Variants in EXOSC2 observed in about 807,000 individuals in gnomAD.
EXOSC2 encodes exosome component 2, also known as exosome complex component RRP4.
EXOSC2 carries 29 observed loss-of-function variants against 37.6 expected under a neutral mutation model. The ratio of observed to expected loss-of-function variants is 0.77; its 90% confidence interval spans 0.57 to 1.05. The LOEUF is 1.05. Among genes scored for constraint, EXOSC2 ranks in the 50% least tolerant of loss-of-function variants. The pLI is 0.00. For missense variants in EXOSC2, 346 were observed against 365.6 expected, an observed-to-expected ratio of 0.95 and a Z score of 0.44; for synonymous variants, 119 against 131.1, an observed-to-expected ratio of 0.91 and a Z score of 0.63.
At chr9:130,697,702 C>A in intron 3 of EXOSC2, 75 bp downstream of exon 3, 1 of 1,373,874 alleles carries the variant, frequency 7.3e-7, no homozygotes, top group Non-Finnish European at 1.0e-6. Context: ...AGTCATTCCA[C>A]TTGTAGTTAC....
chr9:130,701,028 C>A (rs532043052), intron 6 of EXOSC2, 93 bp downstream of exon 6: 1 of 1,194,904 alleles, frequency 8.4e-7, no homozygotes, highest in East Asian at 2.4e-5. Flanking sequence ...GCCTAAAGAA[C>A]CCCAGTAGCT....
rs1265157507 is a variant in EXOSC2, at chr9:130,703,137, G to A, written c.757G>A (p.Asp253Asn). The A allele has an allele frequency of 6.2e-7, 1 of 1,613,872 alleles. No individual in the cohort carries two copies. Among genetic ancestry groups the A allele is most frequent in the East Asian group, 2.2e-5 (1 of 44,882 alleles). Residue 253 changes from aspartate to asparagine, a missense_variant, in exon 8 of 9, where the codon GAT (aspartate) becomes AAT (asparagine). Physicochemically the swap from Asp to Asn is conservative, Grantham distance 23. Transcript: ENST00000372358. ...SLVTQRMMLY[D>N]TSILYCYEAS... The stretch of plus-strand genomic sequence containing the variant: ...GGTAACTCAGAGGATGATGCTGTAT[G>A]ATACCAGCATCCTGTACTGCTATGA...
Position 130,703,790 on chromosome 9 carries a change from G to A in EXOSC2, c.*16G>A. The stretch of plus-strand genomic sequence containing the variant: ...GGAGGGATAAGGAGGTGCTCCAGAA[G>A]CACGGGACTGTGGACCTTGCAGGAG... On this transcript the variant is annotated 3_prime_UTR_variant, in exon 9 of 9. Coordinates refer to ENST00000372358, the MANE Select transcript of EXOSC2 (RefSeq NM_014285.7). 4.4e-6 allele frequency: 7 copies of A among 1,607,488 alleles called. No homozygotes were observed. Among genetic ancestry groups the A allele is most frequent in the South Asian group, 1.1e-5 (1 of 90,574 alleles).
chr9:130,703,048 T>G lies in EXOSC2; in HGVS notation c.673-5T>G, dbSNP rs767300345. 42 of 1,612,658 alleles carry G rather than the reference T, an allele frequency of 2.6e-5. No individual in the cohort carries two copies. The highest frequency in any genetic ancestry group is 3.6e-5 in the Non-Finnish European group (42 of 1,179,172). On this transcript the variant is annotated splice_polypyrimidine_tract_variant and splice_region_variant and intron_variant, in intron 7 of 8. Coordinates refer to ENST00000372358, the MANE Select transcript of EXOSC2 (RefSeq NM_014285.7). The stretch of plus-strand genomic sequence containing the variant: ...TTCCCTTCCCCTCTCTGTGTCTCCT[T>G]ATAGCCTGTCTCTCTTGCTGATCGA...
chr9:130,703,855 A>G lies in EXOSC2; in HGVS notation c.*81A>G. The G allele has an allele frequency of 4.4e-6, 5 of 1,148,986 alleles. No homozygotes were observed. In the South Asian group the frequency reaches 5.8e-5, roughly 13 times the overall value. The allele number at this position is 1,148,986 out of a possible 1,614,324, so 71.2% of individuals were successfully genotyped here. ...TGTGGTCCCCATATGTGGCTCAGCA[A>G]AGACTCGAGAGATCATCCCTTTGTC... On this transcript the variant is annotated 3_prime_UTR_variant, in exon 9 of 9. Coordinates refer to ENST00000372358, the MANE Select transcript of EXOSC2 (RefSeq NM_014285.7).
At chr9:130,701,057 G>C in intron 6 of EXOSC2, 122 bp downstream of exon 6, 1 of 864,230 alleles carries the variant, frequency 1.2e-6, no homozygotes, top group Non-Finnish European at 1.9e-6. Flanking sequence ...ATAGAGGCTG[G>C]CATCCCACAA....
In EXOSC2 at chr9:130,703,153, A is replaced by C; in HGVS notation, c.773A>C (p.Tyr258Ser). 10 of 1,613,582 alleles carry C rather than the reference A, an allele frequency of 6.2e-6. No homozygotes were observed. Among genetic ancestry groups the C allele is most frequent in the Non-Finnish European group, 8.5e-6 (10 of 1,179,692 alleles). ...RMMLYDTSILYCYEASLPHQI... is the reference protein window; with the variant it reads ...RMMLYDTSILSCYEASLPHQI... ...ATGCTGTATGATACCAGCATCCTGT[A>C]CTGCTATGAAGCATCCCTTCCACAT... Residue 258 changes from tyrosine (Y) to serine (S), a missense_variant, in exon 8 of 9, where the codon TAC (tyrosine) becomes TCC (serine). Transcript: ENST00000372358.
In EXOSC2 at chr9:130,702,275, G is replaced by C. The variant is rs759215448; in HGVS notation, c.637G>C (p.Glu213Gln). The C allele has an allele frequency of 7.4e-6, 12 of 1,614,014 alleles. No homozygotes were observed. In the South Asian group the frequency reaches 1.3e-4, roughly 18 times the overall value. ...IWIYPTPEHK[E>Q]EEAGGFIANL... ...GATTTACCCAACACCTGAGCACAAA[G>C]AAGAGGAAGCAGGGGGCTTCATTGC... The change falls in exon 7 of 9, where the codon GAA becomes CAA. Residue 213 changes from glutamate (E) to glutamine (Q), a missense_variant. Transcript: ENST00000372358.
rs757712197 is a variant in EXOSC2, at chr9:130,703,731, T to C, written c.839T>C (p.Ile280Thr). 3.1e-6 allele frequency: 5 copies of C among 1,613,810 alleles called. No individual in the cohort carries two copies. The highest frequency in any genetic ancestry group is 1.1e-5 in the South Asian group (1 of 91,014). Residue 280 changes from isoleucine (I) to threonine (T), a missense_variant, in exon 9 of 9, where the codon ATT (isoleucine) becomes ACT (threonine). Physicochemically the swap from Ile to Thr is moderately conservative, Grantham distance 89 (BLOSUM62 -1). Coordinates refer to ENST00000372358, the MANE Select transcript of EXOSC2 (RefSeq NM_014285.7). The stretch of plus-strand genomic sequence containing the variant: ...TTAAAGCCAGAAATAATGGAGGAGA[T>C]TGTGATGGAAACACGCCAGAGGCTT... ...DILKPEIMEE[I>T]VMETRQRLLE...
chr9:130,697,970 T>G, intron 3 of EXOSC2, 192 bp from the exon 4 acceptor site: 1 of 569,458 alleles, frequency 1.8e-6, no homozygotes, highest in Non-Finnish European at 3.1e-6. Context: ...ATTTTTGTAT[T>G]TTTAGTAGAG....
chr9:130,695,554 G>C lies in EXOSC2; in HGVS notation c.185G>C (p.Arg62Thr), dbSNP rs748977410. Residue 62 changes from arginine to threonine, a missense_variant, in exon 2 of 9, where the codon AGA becomes ACA. By Grantham distance (71) the Arg-to-Thr change is moderately conservative. Coordinates refer to ENST00000372358, the MANE Select transcript of EXOSC2 (RefSeq NM_014285.7). ...LIASVAGSVE[R>T]VNKLICVKAL... ...GCATCTGTTGCTGGCTCTGTGGAGA[G>C]AGTAAACAAGTTGATCTGTGTGAAA... 1.9e-5 allele frequency: 30 copies of C among 1,614,088 alleles called. No homozygotes were observed. In the Admixed American group the frequency reaches 3.3e-4, roughly 18 times the overall value.
In EXOSC2 at chr9:130,694,631, TA is replaced by T. The variant is rs762247464; in HGVS notation, c.122+719del. ...CTAGTGTTTCAACCTTTATTATTAT[TA>T]TTTTTTTACTTGTATATGTACAAGG... is the stretch of plus-strand genomic sequence containing the variant. On this transcript the variant is annotated intron_variant, in intron 1 of 8. Transcript: ENST00000372358. The surrounding 1 kb of genome is among the most constrained non-coding windows in gnomAD (Gnocchi z 4.0). Among the ~76,000 whole-genome samples, 3 of 152,204 alleles carry T rather than the reference TA, an allele frequency of 2.0e-5. No homozygotes were observed. Among genetic ancestry groups the T allele is most frequent in the Non-Finnish European group, 4.4e-5 (3 of 68,038 alleles).
intron 2 of EXOSC2, among the ~76,000 whole-genome samples, chr9:130,696,334 C>T (rs190843275): frequency 3.3e-5 from 5 of 152,256 alleles, no homozygotes; most frequent in East Asian, 3.9e-4. Context: ...CTGAGGTGGG[C>T]GGGCGTGGGC....
chr9:130,700,328 AT>A (rs1309301995), intron 5 of EXOSC2, among the ~76,000 whole-genome samples: 2 of 132,890 alleles, frequency 1.5e-5, no homozygotes, highest in African/African-American at 3.0e-5. Flanking sequence ...CTCTGTCTTT[AT>A]TTTATTTATT....
intron 3 of EXOSC2, chr9:130,697,919 A>G (rs1208005040): frequency 5.2e-5 from 28 of 539,310 alleles, no homozygotes; most frequent in African/African-American, 4.4e-4. Context: ...TCAGCCTCCC[A>G]AGTAGCTGGG....
rs1588202313 is a variant in EXOSC2, at chr9:130,703,640, T to G, written c.802-54T>G. ...TTGATTTATGTTTGGATTGGCTTGG[T>G]GGTCTGTTTATGGTTGGTTTCTTTT... On this transcript the variant is annotated intron_variant, in intron 8 of 8. Transcript: ENST00000372358. 4.6e-5 allele frequency: 63 copies of G among 1,369,984 alleles called. No individual in the cohort carries two copies. In the East Asian group the frequency reaches 6.0e-4, roughly 13 times the overall value. The allele number at this position is 1,369,984 out of a possible 1,614,324, so 84.9% of individuals were successfully genotyped here. A position where few individuals can be genotyped will look rare whatever the true frequency, so the allele number is the denominator to read the frequency against.
In EXOSC2 at chr9:130,694,875, G is replaced by GT. The variant is rs745609872; in HGVS notation, c.123-617_123-616insT. 0.014 allele frequency among the ~76,000 whole-genome samples: 2,067 copies of GT among 145,318 alleles called. 120 individuals carry two copies. In the East Asian group the frequency reaches 0.19, roughly 13 times the overall value. ...ACGCCACCATGCCTAGCTAATTTTT[G>GT]GTTTTTTTTTTTTTTAGTAGAGACA... On this transcript the variant is annotated intron_variant, in intron 1 of 8. Transcript: ENST00000372358. The surrounding 1 kb of genome is among the most constrained non-coding windows in gnomAD (Gnocchi z 4.0).
At position 130,698,432 on chromosome 9, in the gene EXOSC2, G is replaced by A. The variant is rs184409587; in HGVS notation, c.360+181G>A. ...ACTTTTCACCCTGTCCAGGTCTCCC[G>A]AAAGAGGGAGCAGTTGGCATATGGT... On this transcript the variant is annotated intron_variant, in intron 4 of 8. Coordinates refer to ENST00000372358, the MANE Select transcript of EXOSC2 (RefSeq NM_014285.7). This position sits in a 1 kb window ranked among gnomAD's most constrained non-coding sequence, Gnocchi z 4.1. Among the ~76,000 whole-genome samples, 178 of 152,308 alleles carry A rather than the reference G, an allele frequency of 1.2e-3. 1 individual carries two copies. The highest frequency in any genetic ancestry group is 3.9e-4 in the East Asian group (2 of 5,186).
rs1405646585 is a variant in EXOSC2 at position 130,693,810 on chromosome 9, C to A, written c.19C>A (p.Leu7Ile). 3 of 1,608,990 alleles carry A rather than the reference C, an allele frequency of 1.9e-6. No homozygotes were observed. The highest frequency in any genetic ancestry group is 2.5e-6 in the Non-Finnish European group (3 of 1,176,668). Reference sequence around the variant, plus strand: ...CGCCAAGATGGCGATGGAGATGAGGCTTCCAGTGGCTCGCAAGCCTCTTAG... The same window carrying A: ...CGCCAAGATGGCGATGGAGATGAGGATTCCAGTGGCTCGCAAGCCTCTTAG... Reference protein sequence around the residue: MAMEMRLPVARKPLSER... With the variant: MAMEMRIPVARKPLSER... The change falls in exon 1 of 9, where the codon CTT becomes ATT. Residue 7 changes from leucine to isoleucine, a missense_variant. Coordinates refer to ENST00000372358, the MANE Select transcript of EXOSC2 (RefSeq NM_014285.7).
Sources: gnomAD v4.1 joint callset for allele counts (sites outside exome capture counted in the v4.1 genomes callset) on GRCh38, gnomAD v4.1.1 for gene constraint, Gnocchi (gnomAD v3.1) non-coding constraint, MANE v1.5 for transcripts, NCBI Gene and HGNC (gene_info 2026-07-23, HGNC 2026-07-21) for gene names.